KCNT2: variants seen among roughly 807,000 people sequenced by gnomAD.
The protein encoded by KCNT2 is potassium sodium-activated channel subfamily T member 2, also known as potassium channel subfamily T member 2.
KCNT2 carries 67 observed loss-of-function variants against 153.8 expected under a neutral mutation model. The observed-to-expected ratio is 0.44, with a 90% confidence interval of 0.36 to 0.53. The LOEUF is 0.53. Among genes scored for constraint, KCNT2 ranks in the 20% least tolerant of loss-of-function variants. The probability of loss-of-function intolerance (pLI) is 0.00; values close to 1 mark genes in which losing one functional copy is unlikely to be tolerated. For missense variants in KCNT2, 975 were observed against 1,354.8 expected (o/e 0.72, Z 4.40); for synonymous variants, 500 against 458.8 (o/e 1.09, Z -1.15).
intron 1 of KCNT2, among the ~76,000 whole-genome samples, chr1:196,504,502 G>A (rs1485760047): frequency 6.6e-6 from 1 of 151,952 alleles, no homozygotes; most frequent in Non-Finnish European, 1.5e-5. Flanking sequence ...CATTTGGCTT[G>A]GTTCCAAGTC....
intron 3 of KCNT2, among the ~76,000 whole-genome samples, chr1:196,487,395 C>T (rs1679509841): frequency 9.2e-6 from 1 of 109,108 alleles, no homozygotes; most frequent in South Asian, 3.3e-4. Flanking sequence ...CATATAGTAC[C>T]TACCATGTTA....
At chr1:196,457,574 C>T (rs1676787588) in intron 8 of KCNT2, among the ~76,000 whole-genome samples, 1 of 148,006 alleles carries the variant, frequency 6.8e-6, no homozygotes, top group Admixed American at 6.8e-5. Flanking sequence ...CAACAACTAT[C>T]ATTAAGAGAG....
intron 14 of KCNT2, chr1:196,342,929 C>T (rs1047333943): frequency 5.3e-5 from 8 of 152,064 alleles, no homozygotes; most frequent in Non-Finnish European, 8.8e-5. Flanking sequence ...CTTTGAGAGG[C>T]AATTAGGTTA....
intron 1 of KCNT2, among the ~76,000 whole-genome samples, chr1:196,509,300 G>A (rs1261607021): frequency 6.7e-6 from 1 of 148,812 alleles, no homozygotes; most frequent in Non-Finnish European, 1.5e-5. Context: ...AGGAAGCACT[G>A]TTCATGAGAG....
chr1:196,322,677 C>T (rs1444086662), intron 19 of KCNT2, among the ~76,000 whole-genome samples: 1 of 151,776 alleles, frequency 6.6e-6, no homozygotes, highest in Non-Finnish European at 1.5e-5. Context: ...TTGTAAAATT[C>T]AAGGCCATTA....
At chr1:196,246,376 A>G (rs1319357593) in intron 26 of KCNT2, among the ~76,000 whole-genome samples, 2 of 152,324 alleles carry the variant, frequency 1.3e-5, no homozygotes, top group African/African-American at 2.4e-5. Context: ...AATGCTAAAG[A>G]GAGTTCTTCA....
intron 14 of KCNT2, among the ~76,000 whole-genome samples, chr1:196,371,733 G>A (rs555281311): frequency 6.6e-6 from 1 of 152,094 alleles, no homozygotes; most frequent in Non-Finnish European, 1.5e-5. Context: ...TAACTTATGT[G>A]AAGTATAATT....
At chr1:196,249,741 C>T (rs144834780) in intron 26 of KCNT2, among the ~76,000 whole-genome samples, 9,342 of 151,822 alleles carry the variant, frequency 0.062, 386 homozygotes, top group Non-Finnish European at 0.096. Context: ...TGCCACTGCA[C>T]TCCAGCCTGG....
intron 10 of KCNT2, among the ~76,000 whole-genome samples, chr1:196,427,723 T>A (rs1236291632): frequency 1.3e-5 from 2 of 152,124 alleles, no homozygotes; most frequent in Non-Finnish European, 2.9e-5. Context: ...GTATTTTAAC[T>A]GAGCAGATGA....
intron 1 of KCNT2, among the ~76,000 whole-genome samples, chr1:196,512,016 C>G (rs184486721): frequency 6.6e-6 from 1 of 152,200 alleles, no homozygotes; most frequent in Admixed American, 6.5e-5. Context: ...AATTCCACCT[C>G]TCCACCTAAT....
At chr1:196,293,907 G>A (rs954232008) in intron 22 of KCNT2, among the ~76,000 whole-genome samples, 2 of 149,698 alleles carry the variant, frequency 1.3e-5, no homozygotes, top group South Asian at 2.1e-4. Flanking sequence ...TTAATGGAAC[G>A]AACAGACATC....
chr1:196,273,883 T>C (rs1658309230), intron 25 of KCNT2, among the ~76,000 whole-genome samples: 1 of 151,658 alleles, frequency 6.6e-6, no homozygotes, highest in Non-Finnish European at 1.5e-5. Context: ...ATGATATTGG[T>C]ACATTAATAT....
At chr1:196,429,814 C>G (rs1373303726) in intron 8 of KCNT2, 57 bp from the exon 9 acceptor site, 1 of 1,227,048 alleles carries the variant, frequency 8.1e-7, no homozygotes, top group Non-Finnish European at 1.1e-6. Flanking sequence ...CATAATTTCT[C>G]ATCATTATTC....
intron 1 of KCNT2, among the ~76,000 whole-genome samples, chr1:196,544,940 C>G (rs1345741311): frequency 6.6e-6 from 1 of 151,682 alleles, no homozygotes; most frequent in Non-Finnish European, 1.5e-5. Context: ...ACTGCTTTCA[C>G]AAAAATAAAA....
intron 12 of KCNT2, among the ~76,000 whole-genome samples, chr1:196,405,650 C>T (rs16839881): frequency 0.058 from 8,724 of 151,448 alleles, 392 homozygotes; most frequent in Non-Finnish European, 0.085. Flanking sequence ...GTCATCTACA[C>T]GTGATAAAAC....
chr1:196,284,248 A>AAAAT, intron 23 of KCNT2, among the ~76,000 whole-genome samples: 416 of 10,018 alleles, frequency 0.042, 77 homozygotes, highest in African/African-American at 0.056. Flanking sequence ...AAAAAAAAAA[A>AAAAT]ATATATATAT....
At chr1:196,287,120 G>A (rs1306949327) in intron 22 of KCNT2, among the ~76,000 whole-genome samples, 1 of 151,992 alleles carries the variant, frequency 6.6e-6, no homozygotes, top group Non-Finnish European at 1.5e-5. Flanking sequence ...ACAGGGAGAA[G>A]GTAAGGCAAA....
chr1:196,228,243 C>G lies in KCNT2; in HGVS notation c.3389G>C (p.Arg1130Pro), dbSNP rs779455955. 1 of 1,605,976 alleles carries G rather than the reference C, an allele frequency of 6.2e-7. No homozygotes were observed. Residue 1130 changes from arginine to proline, a missense_variant, in exon 28 of 28, where the codon CGG (arginine) becomes CCG (proline). This residue lies in a region of KCNT2 where 241 missense variants were observed against 271.1 expected (regional missense o/e 0.89). Transcript: ENST00000294725. Reference sequence around the variant, plus strand: ...TTTTTATCAAAGTTGAGTTTCCTCCCGAGAATCTTGACCAGTGACATTGCA... The same window carrying G: ...TTTTTATCAAAGTTGAGTTTCCTCCGGAGAATCTTGACCAGTGACATTGCA... ...SICNVTGQDS[R>P]EETQL
At chr1:196,500,205 GGAGAGA>G (rs1209616983) in intron 1 of KCNT2, among the ~76,000 whole-genome samples, 9 of 129,602 alleles carry the variant, frequency 6.9e-5, no homozygotes, top group Non-Finnish European at 1.5e-4. Context: ...GGAAGGAGGG[GGAGAGA>G]GAGAGAGAGA....
Sources: allele counts gnomAD v4.1 joint callset (sites outside exome capture counted in the v4.1 genomes callset), GRCh38; gene constraint gnomAD v4.1.1; regional missense constraint gnomAD v4.1.1; transcripts MANE v1.5; gene names NCBI Gene and HGNC (gene_info 2026-07-23, HGNC 2026-07-21).